MCMDC2: variants seen among roughly 807,000 people sequenced by gnomAD.
MCMDC2 encodes minichromosome maintenance domain-containing protein 2.
In MCMDC2, 54 loss-of-function variants were observed where a neutral mutation model predicts 75.8. The observed-to-expected ratio is 0.71, with a 90% CI of 0.57 to 0.89. The LOEUF (loss-of-function observed/expected upper bound fraction) is 0.89, where lower values mean the gene tolerates loss of function less well. Ranked by LOEUF, MCMDC2 falls within the 40% of genes least tolerant of loss-of-function variation. The probability of loss-of-function intolerance (pLI) is 0.00; values close to 1 mark genes in which losing one functional copy is unlikely to be tolerated. For synonymous variants in MCMDC2, 249 were observed against 274.6 expected (o/e 0.91, Z 0.92); for missense variants, 656 against 780.4 (o/e 0.84, Z 1.90).
chr8:66,885,557 C>T (rs898840852), intron 9 of MCMDC2, among the ~76,000 whole-genome samples: 5 of 151,754 alleles, frequency 3.3e-5, no homozygotes, highest in African/African-American at 9.7e-5. Context: ...TTTCTGTTTG[C>T]CATTAACCTT....
In MCMDC2 at chr8:66,879,275, AAAT is replaced by A. The variant is rs762044057; in HGVS notation, c.709+365_709+367del. On this transcript the variant is annotated intron_variant, in intron 7 of 14. Coordinates refer to ENST00000422365, the MANE Select transcript of MCMDC2 (RefSeq NM_173518.5). ...AACAGAGAGACACCCTGTCTCAAAA[AAAT>A]AATAATAACAACAAAATAATAAATG... 2.4e-4 allele frequency among the ~76,000 whole-genome samples: 37 copies of A among 151,860 alleles called. 1 individual carries two copies. The highest frequency in any genetic ancestry group is 4.0e-4 in the Non-Finnish European group (27 of 67,980).
chr8:66,905,217 C>CT lies in MCMDC2; in HGVS notation c.1770-3dup, dbSNP rs1563386699. Reference sequence around the variant, plus strand: ...ACATATTTTCTTTGGCAACTATTTTCTTTTTTAGCGTTTTCCTATCTGAAG... The same window carrying CT: ...ACATATTTTCTTTGGCAACTATTTTCTTTTTTTAGCGTTTTCCTATCTGAAG... On this transcript the variant is annotated splice_polypyrimidine_tract_variant and intron_variant, in intron 13 of 14. Transcript: ENST00000422365. The CT allele has an allele frequency of 1.4e-6, 2 of 1,396,914 alleles. No individual in the cohort carries two copies. Among genetic ancestry groups the CT allele is most frequent in the East Asian group, 2.8e-5 (1 of 35,774 alleles). 86.5% of individuals were successfully genotyped at this position (1,396,914 alleles called of 1,614,324 possible).
At position 66,921,707 on chromosome 8, in the gene MCMDC2, T is replaced by C. The variant is rs564863044; in HGVS notation, c.*2538T>C. 1.3e-5 allele frequency: 2 copies of C among 152,316 alleles called. No individual in the cohort carries two copies. The highest frequency in any genetic ancestry group is 2.1e-4 in the South Asian group (1 of 4,824). 9.4% of individuals were successfully genotyped at this position (152,316 alleles called of 1,614,324 possible). ...CCTTTATCTGTAAGGGGGAATTTGA[T>C]TGCTATTTGGTATTAAAGAGTTTTA... On this transcript the variant is annotated 3_prime_UTR_variant, in exon 15 of 15. Transcript: ENST00000422365.
At chr8:66,907,570 A>C (rs1278901370) in intron 14 of MCMDC2, among the ~76,000 whole-genome samples, 22 of 152,178 alleles carry the variant, frequency 1.4e-4, no homozygotes, top group Non-Finnish European at 2.6e-4. Flanking sequence ...ATGATTTAAA[A>C]TCCTTTGGGT....
rs1341729607 is a variant in MCMDC2, at chr8:66,905,249, C to T, written c.1793C>T (p.Ala598Val). Residue 598 changes from alanine (A) to valine (V), a missense_variant, in exon 14 of 15, where the codon GCA (alanine) becomes GTA (valine). By Grantham distance (64) the Ala-to-Val change is moderately conservative. Coordinates refer to ENST00000422365, the MANE Select transcript of MCMDC2 (RefSeq NM_173518.5). ...KYLVFLSEAHARLNLRNKVLK... is the reference protein window; with the variant it reads ...KYLVFLSEAHVRLNLRNKVLK... The stretch of plus-strand genomic sequence containing the variant: ...AGCGTTTTCCTATCTGAAGCCCATG[C>T]ACGACTGAACTTAAGGAACAAAGTG... 2.7e-6 allele frequency: 4 copies of T among 1,485,998 alleles called. No homozygotes were observed. Among genetic ancestry groups the T allele is most frequent in the South Asian group, 1.5e-5 (1 of 68,408 alleles). The allele number at this position is 1,485,998 out of a possible 1,614,324, so 92.1% of individuals were successfully genotyped here.
intron 9 of MCMDC2, among the ~76,000 whole-genome samples, chr8:66,887,933 C>T (rs970949253): frequency 4.6e-5 from 7 of 152,112 alleles, no homozygotes; most frequent in Non-Finnish European, 1.0e-4. Context: ...ATACTTTGAT[C>T]TATTGTTCTA....
rs1813528945 is a variant in MCMDC2, at chr8:66,921,474, T to C, written c.*2305T>C. 6.6e-6 allele frequency: 1 copy of C among 152,234 alleles called. No individual in the cohort carries two copies. The highest frequency in any genetic ancestry group is 6.5e-5 in the Admixed American group (1 of 15,272). The allele number at this position is 152,234 out of a possible 1,614,324, so 9.4% of individuals were successfully genotyped here. On this transcript the variant is annotated 3_prime_UTR_variant, in exon 15 of 15. Transcript: ENST00000422365. ...ACCTTGGTAAAAGGAATTTATAAGC[T>C]AGTACTCAACAGGAGAAAAGATTTA...
intron 14 of MCMDC2, among the ~76,000 whole-genome samples, chr8:66,906,917 C>T (rs772481848): frequency 6.4e-4 from 98 of 151,968 alleles, no homozygotes; most frequent in Non-Finnish European, 7.8e-4. Context: ...TACAGGCATG[C>T]GCCACCACGC....
chr8:66,884,047 A>G (rs1811717553), intron 9 of MCMDC2, 53 bp downstream of exon 9: 1 of 1,141,802 alleles, frequency 8.8e-7, no homozygotes, highest in African/African-American at 1.5e-5. Context: ...AGATTTGCAT[A>G]CATCCTTTCC....
At chr8:66,892,581 G>C (rs114429691) in intron 10 of MCMDC2, among the ~76,000 whole-genome samples, 5,341 of 152,260 alleles carry the variant, frequency 0.035, 99 homozygotes, top group Admixed American at 0.046. Flanking sequence ...GCTGAGTCTG[G>C]GGTTTTTATG....
chr8:66,910,806 T>C (rs1408434744), intron 14 of MCMDC2, among the ~76,000 whole-genome samples: 1 of 147,676 alleles, frequency 6.8e-6, no homozygotes, highest in African/African-American at 2.5e-5. Context: ...CAAAACTCCA[T>C]CTCAAAAAAA....
intron 9 of MCMDC2, among the ~76,000 whole-genome samples, chr8:66,887,172 A>C (rs891278144): frequency 1.3e-5 from 2 of 152,124 alleles, no homozygotes; most frequent in Non-Finnish European, 2.9e-5. Flanking sequence ...TTTGATGAGC[A>C]GGCTTTTTAA....
chr8:66,879,626 CTTATAAA>C (rs918474752), intron 7 of MCMDC2, among the ~76,000 whole-genome samples: 5 of 152,092 alleles, frequency 3.3e-5, no homozygotes, highest in African/African-American at 1.2e-4. Context: ...CTTGTTTATG[CTTATAAA>C]TTATAAATGG....
At chr8:66,897,074 G>C (rs1013160089) in intron 12 of MCMDC2, 115 bp downstream of exon 12, 3 of 1,018,512 alleles carry the variant, frequency 2.9e-6, no homozygotes, top group Non-Finnish European at 4.2e-6. Flanking sequence ...TTCCATCTTG[G>C]TTCCAGCTTT....
At chr8:66,906,258 C>T (rs147092250) in intron 14 of MCMDC2, among the ~76,000 whole-genome samples, 2 of 152,264 alleles carry the variant, frequency 1.3e-5, no homozygotes, top group African/African-American at 4.8e-5. Flanking sequence ...TCAAACCAAA[C>T]CTTGGTTCCA....
At chr8:66,873,080 A>G (rs1176033380) in intron 1 of MCMDC2, among the ~76,000 whole-genome samples, 3 of 151,050 alleles carry the variant, frequency 2.0e-5, no homozygotes, top group Non-Finnish European at 2.9e-5. Context: ...TAATCATTTT[A>G]TTTTAGCACC....
intron 10 of MCMDC2, among the ~76,000 whole-genome samples, chr8:66,894,796 G>A (rs1195784588): frequency 1.3e-5 from 2 of 152,122 alleles, no homozygotes; most frequent in African/African-American, 2.4e-5. Context: ...GTACAGTTAA[G>A]TGCTTTTTAG....
At chr8:66,917,040 GA>G (rs1222704934) in intron 14 of MCMDC2, among the ~76,000 whole-genome samples, 1 of 152,196 alleles carries the variant, frequency 6.6e-6, no homozygotes, top group Non-Finnish European at 1.5e-5. Context: ...CATCAAAGGA[GA>G]AAGAATTTTT....
chr8:66,878,448 A>G (rs1204170352), intron 5 of MCMDC2, 126 bp from the exon 6 acceptor site: 1 of 882,826 alleles, frequency 1.1e-6, no homozygotes, highest in African/African-American at 1.8e-5. Flanking sequence ...AATAGCTACA[A>G]TCTGTGTCAG....
Sources: allele counts gnomAD v4.1 joint callset (sites outside exome capture counted in the v4.1 genomes callset), GRCh38; gene constraint gnomAD v4.1.1; transcripts MANE v1.5; gene names NCBI Gene and HGNC (gene_info 2026-07-23, HGNC 2026-07-21).